Variants in DAB1 observed in about 807,000 individuals in gnomAD.
DAB1 encodes disabled homolog 1.
Under a neutral mutation model 64.6 loss-of-function variants are expected in DAB1, and 15 were observed. The ratio of observed to expected loss-of-function variants is 0.23; its 90% confidence interval spans 0.16 to 0.36. DAB1 has a LOEUF of 0.36. Among genes scored for constraint, DAB1 ranks in the 10% least tolerant of loss-of-function variants. The pLI, the probability that DAB1 is intolerant of heterozygous loss-of-function variation, is 1.00. For missense variants in DAB1, 596 were observed against 706.7 expected, an observed-to-expected ratio of 0.84 and a Z score of 1.78; for synonymous variants, 235 against 251.9, an observed-to-expected ratio of 0.93 and a Z score of 0.64.
chr1:57,108,149 G>A (rs542417273), intron 4 of DAB1, among the ~76,000 whole-genome samples: 3 of 152,092 alleles, frequency 2.0e-5, no homozygotes, highest in South Asian at 4.2e-4. Flanking sequence ...AAGGCTGTAG[G>A]GTAAAAACGC....
intron 5 of DAB1, among the ~76,000 whole-genome samples, chr1:58,047,499 A>C (rs1647315547): frequency 6.6e-6 from 1 of 152,136 alleles, no homozygotes; most frequent in Non-Finnish European, 1.5e-5. Flanking sequence ...GGGTGCAATG[A>C]AGCCACCAGC....
rs183417658 is a variant in DAB1, at chr1:57,660,428, C to T, written n.552-10763G>A. Among the ~76,000 whole-genome samples the T allele has an allele frequency of 1.7e-3, 257 of 152,318 alleles. 1 individual carries two copies. Among genetic ancestry groups the T allele is most frequent in the Non-Finnish European group, 2.3e-3 (155 of 68,036 alleles). ...AGGTTGCTCTCAGCCACCACTAGCACTTACGGAACTCTTGAGAGATACCAA... is the reference window on the plus strand; with the variant it reads ...AGGTTGCTCTCAGCCACCACTAGCATTTACGGAACTCTTGAGAGATACCAA... On this transcript the variant is annotated intron_variant and non_coding_transcript_variant, in intron 6 of 20. Coordinates refer to the DAB1 transcript ENST00000485760.
chr1:57,238,824 C>T (rs1558001879), intron 2 of DAB1, among the ~76,000 whole-genome samples: 1 of 148,830 alleles, frequency 6.7e-6, no homozygotes. Flanking sequence ...CACACACTGG[C>T]AGGCGTGTGC....
At chr1:58,379,505 A>T (rs1348325135) in intron 3 of DAB1, among the ~76,000 whole-genome samples, 1 of 152,246 alleles carries the variant, frequency 6.6e-6, no homozygotes, top group Non-Finnish European at 1.5e-5. Flanking sequence ...GTTTTAAGAT[A>T]ACAGGTTGAA....
At chr1:57,061,234 G>A (rs1029857511) in intron 9 of DAB1, among the ~76,000 whole-genome samples, 2 of 151,052 alleles carry the variant, frequency 1.3e-5, no homozygotes, top group Non-Finnish European at 3.0e-5. Context: ...TAGATGGGGG[G>A]GGGGGGTGGT....
chr1:57,757,220 T>TTTTTTTTTTTTTTTTTG lies in DAB1; in HGVS notation n.552-107556_552-107555insCAAAAAAAAAAAAAAAA, dbSNP rs200688727. 5.5e-3 allele frequency among the ~76,000 whole-genome samples: 659 copies of TTTTTTTTTTTTTTTTTG among 120,026 alleles called. 66 individuals are homozygous for TTTTTTTTTTTTTTTTTG. Among genetic ancestry groups the TTTTTTTTTTTTTTTTTG allele is most frequent in the Admixed American group, 8.5e-3 (88 of 10,330 alleles). The allele number at this position is 120,026 out of a possible 152,430, so 78.7% of individuals were successfully genotyped here. A position where few individuals can be genotyped will look rare whatever the true frequency, so the allele number is the denominator to read the frequency against. ...AGAATTTTTTTTTTTTTTTTTTTTT[T>TTTTTTTTTTTTTTTTTG]AGCAGCAATGATGGAGGCTAACAGC... On this transcript the variant is annotated intron_variant and non_coding_transcript_variant, in intron 6 of 20. Transcript: ENST00000485760.
chr1:57,302,270 T>G (rs1317986121), intron 1 of DAB1, among the ~76,000 whole-genome samples: 6 of 152,008 alleles, frequency 3.9e-5, no homozygotes, highest in Non-Finnish European at 8.8e-5. Context: ...TTGTTGTTGT[T>G]TCCGGATTTG....
chr1:57,087,683 A>C (rs1332950657), intron 4 of DAB1, among the ~76,000 whole-genome samples: 1 of 152,146 alleles, frequency 6.6e-6, no homozygotes, highest in Non-Finnish European at 1.5e-5. Context: ...TGAGCCACTG[A>C]AGGACTGGCA....
At chr1:58,367,590 T>C (rs1644228441) in intron 3 of DAB1, among the ~76,000 whole-genome samples, 1 of 152,210 alleles carries the variant, frequency 6.6e-6, no homozygotes, top group African/African-American at 2.4e-5. Context: ...ACTAGCCAGC[T>C]ACTTGGTGGC....
chr1:57,979,433 G>T (rs1253164388), intron 5 of DAB1, among the ~76,000 whole-genome samples: 1 of 152,168 alleles, frequency 6.6e-6, no homozygotes, highest in African/African-American at 2.4e-5. Flanking sequence ...GGCTAGGGGA[G>T]GGATAACATT....
chr1:57,646,433 T>A (rs1365774947), intron 7 of DAB1, among the ~76,000 whole-genome samples: 2 of 152,188 alleles, frequency 1.3e-5, no homozygotes, highest in Admixed American at 1.3e-4. Context: ...TGAAAGTCAC[T>A]GAGTACATGC....
Position 58,401,849 on chromosome 1 carries a change from C to T in DAB1, n.258-58446G>A, listed in dbSNP as rs572352956. 5.9e-5 allele frequency among the ~76,000 whole-genome samples: 9 copies of T among 152,334 alleles called. No homozygotes were observed. In the South Asian group the frequency reaches 1.9e-3, roughly 32 times the overall value. On this transcript the variant is annotated intron_variant and non_coding_transcript_variant, in intron 3 of 20. Coordinates refer to the DAB1 transcript ENST00000485760. ...ATACATAACATATTCTATATTCAGG[C>T]TATCCCCATGTCAGAATTTTTTTCT...
chr1:57,791,685 C>T (rs533545056), intron 6 of DAB1, among the ~76,000 whole-genome samples: 3 of 152,212 alleles, frequency 2.0e-5, no homozygotes, highest in African/African-American at 7.2e-5. Flanking sequence ...AGACCAGTTC[C>T]CCACCTCCTG....
chr1:58,398,663 A>G (rs1255411616), intron 3 of DAB1, among the ~76,000 whole-genome samples: 2 of 152,230 alleles, frequency 1.3e-5, no homozygotes, highest in Non-Finnish European at 2.9e-5. Flanking sequence ...TGCAGGAGTA[A>G]TTACTCTGCC....
chr1:57,738,866 G>A (rs542476307), intron 6 of DAB1, among the ~76,000 whole-genome samples: 2 of 152,276 alleles, frequency 1.3e-5, no homozygotes, highest in African/African-American at 4.8e-5. Flanking sequence ...TTAGTTTTAC[G>A]ATTTCAAATA....
chr1:57,036,321 C>T (rs1647148427), intron 9 of DAB1, among the ~76,000 whole-genome samples: 1 of 152,088 alleles, frequency 6.6e-6, no homozygotes, highest in Non-Finnish European at 1.5e-5. Context: ...TACAGTCTTG[C>T]CTGATCATCT....
chr1:58,424,139 C>T (rs1432241316), intron 3 of DAB1, among the ~76,000 whole-genome samples: 1 of 152,162 alleles, frequency 6.6e-6, no homozygotes, highest in Non-Finnish European at 1.5e-5. Context: ...CCAGTTTGCT[C>T]AACATCCAGG....
chr1:57,040,822 T>G (rs796531545), intron 9 of DAB1, among the ~76,000 whole-genome samples: 5 of 152,336 alleles, frequency 3.3e-5, no homozygotes, highest in African/African-American at 1.2e-4. Context: ...GTTCAGTACT[T>G]TGAAAAGGGA....
At chr1:58,066,500 C>T (rs1394711145) in intron 5 of DAB1, among the ~76,000 whole-genome samples, 1 of 152,156 alleles carries the variant, frequency 6.6e-6, no homozygotes, top group Non-Finnish European at 1.5e-5. Flanking sequence ...TAACATTATG[C>T]CAGGCCCTGT....
Sources: allele counts gnomAD v4.1 joint callset (sites outside exome capture counted in the v4.1 genomes callset), GRCh38; gene constraint gnomAD v4.1.1; transcripts MANE v1.5; gene names NCBI Gene and HGNC (gene_info 2026-07-23, HGNC 2026-07-21).